Variants in ABCA3 observed in about 807,000 individuals in gnomAD.
ABCA3 encodes the protein ATP binding cassette subfamily A member 3.
A neutral mutation model predicts 172.8 loss-of-function variants in ABCA3; 88 were observed. The ratio of observed to expected loss-of-function variants is 0.51; its 90% CI spans 0.43 to 0.61. ABCA3 has a LOEUF of 0.61. Among genes scored for constraint, ABCA3 ranks in the 20% least tolerant of loss-of-function variants. ABCA3 has a pLI of 0.00. For missense variants in ABCA3, 2,164 were observed against 2,301.0 expected (o/e 0.94, Z 1.22); for synonymous variants, 1,066 against 983.8 (o/e 1.08, Z -1.56).
intron 18 of ABCA3, among the ~76,000 whole-genome samples, chr16:2,294,531 T>TA (rs45490194): frequency 7.8e-4 from 117 of 150,950 alleles, no homozygotes; most frequent in Non-Finnish European, 1.3e-3. Flanking sequence ...ACAAAAAAAA[T>TA]AAAAAAACTA....
rs2093670172 is a variant in ABCA3, at chr16:2,290,359, T to C, written c.2514-739A>G. Among the ~76,000 whole-genome samples the C allele has an allele frequency of 3.3e-5, 5 of 152,326 alleles. No homozygotes were observed. The South Asian group carries it at 1.0e-3, about 32-fold the overall frequency. On this transcript the variant is annotated intron_variant, in intron 19 of 32. Coordinates refer to ENST00000301732, the MANE Select transcript of ABCA3 (RefSeq NM_001089.3). ...AGCCTGGCTAGCTCTCCCCAGGTCC[T>C]AGACAAACCAGGAAAAGCTTCTGAT...
intron 12 of ABCA3, among the ~76,000 whole-genome samples, chr16:2,300,973 G>A (rs1266402573): frequency 6.6e-6 from 1 of 152,138 alleles, no homozygotes; most frequent in Non-Finnish European, 1.5e-5. Context: ...GCTCGAGCCT[G>A]TAATCCCAGC....
chr16:2,308,734 G>T, intron 10 of ABCA3, 111 bp from the exon 11 acceptor site: 1 of 1,254,420 alleles, frequency 8.0e-7, no homozygotes, highest in Non-Finnish European at 1.1e-6. Context: ...CACCCAACCT[G>T]CTCCTGGCAC....
chr16:2,298,625 T>C (rs190189759), intron 14 of ABCA3, 85 bp from the exon 15 acceptor site: 6 of 1,536,754 alleles, frequency 3.9e-6, no homozygotes, highest in Non-Finnish European at 5.3e-6. Context: ...CCCCTCTCTG[T>C]CTCCCCTAAT....
chr16:2,300,987 T>G (rs1346820728), intron 12 of ABCA3, among the ~76,000 whole-genome samples: 1 of 152,012 alleles, frequency 6.6e-6, no homozygotes, highest in Admixed American at 6.6e-5. Flanking sequence ...TCCCAGCACT[T>G]TGGGAGGCCG....
intron 20 of ABCA3, chr16:2,289,126 G>A (rs2093667815): frequency 4.8e-6 from 2 of 415,484 alleles, no homozygotes; most frequent in African/African-American, 2.0e-5. Context: ...TGAACCGAGT[G>A]CATCAACCAA....
intron 11 of ABCA3, among the ~76,000 whole-genome samples, chr16:2,304,998 A>T (rs984751499): frequency 7.9e-5 from 12 of 151,822 alleles, no homozygotes; most frequent in African/African-American, 2.9e-4. Flanking sequence ...ATTTTAGTAG[A>T]GATGGGGTTT....
intron 11 of ABCA3, among the ~76,000 whole-genome samples, chr16:2,305,116 A>G (rs1292054961): frequency 2.0e-5 from 3 of 150,998 alleles, no homozygotes; most frequent in African/African-American, 7.3e-5. Flanking sequence ...CCCGGCCAGT[A>G]TAAGTCTTTA....
Position 2,278,878 on chromosome 16 carries a change from C to T in ABCA3, c.4547+65G>A. The T allele has an allele frequency of 3.7e-6, 6 of 1,607,126 alleles. No homozygotes were observed. Among genetic ancestry groups the T allele is most frequent in the Non-Finnish European group, 5.1e-6 (6 of 1,176,818 alleles). On this transcript the variant is annotated intron_variant, in intron 29 of 32. Coordinates refer to ENST00000301732, the MANE Select transcript of ABCA3 (RefSeq NM_001089.3). This position sits in a 1 kb window ranked among gnomAD's most constrained non-coding sequence, Gnocchi z 4.4. Reference sequence around the variant, plus strand: ...TGCTGACCTGAGCGGTCACTCCCAGCTCTATGCTATGGGGACCTTGATTCT... The same window carrying T: ...TGCTGACCTGAGCGGTCACTCCCAGTTCTATGCTATGGGGACCTTGATTCT...
At chr16:2,300,811 C>T (rs1596845882) in intron 12 of ABCA3, among the ~76,000 whole-genome samples, 1 of 152,156 alleles carries the variant, frequency 6.6e-6, no homozygotes, top group African/African-American at 2.4e-5. Flanking sequence ...AGCTGCGGGG[C>T]GGGGACTCGT....
intron 10 of ABCA3, among the ~76,000 whole-genome samples, chr16:2,314,332 G>A (rs1368573717): frequency 6.6e-6 from 1 of 152,094 alleles, no homozygotes; most frequent in African/African-American, 2.4e-5. Flanking sequence ...ATGAACCTTG[G>A]GGATGCTATG....
At chr16:2,309,444 G>A (rs2093703105) in intron 10 of ABCA3, among the ~76,000 whole-genome samples, 1 of 152,214 alleles carries the variant, frequency 6.6e-6, no homozygotes, top group Non-Finnish European at 1.5e-5. Flanking sequence ...GGAGACACAT[G>A]CTGGATGCAG....
Position 2,277,901 on chromosome 16 carries a change from G to T in ABCA3, c.4887C>A (p.Ala1629=). ...CACCTGGAAAGGTCAGGTCCACGAA[G>T]GCCTTGAACTCCTCCAGCGCCTCCT... The part of the protein sequence containing the change: ...GQQEALEEFK[A]FVDLTFPGSV... The change falls in exon 31 of 33, where the codon GCC becomes GCA. Residue 1629 remains alanine, a synonymous_variant. Transcript: ENST00000301732. The surrounding 1 kb of genome is among the most constrained non-coding windows in gnomAD (Gnocchi z 5.3). 6.2e-7 allele frequency: 1 copy of T among 1,610,074 alleles called. No homozygotes were observed. Among genetic ancestry groups the T allele is most frequent in the Non-Finnish European group, 8.5e-7 (1 of 1,179,988 alleles).
rs984450128 is a variant in ABCA3 at position 2,281,538 on chromosome 16, G to A, written c.4036-29C>T. 13 of 1,563,510 alleles carry A rather than the reference G, an allele frequency of 8.3e-6. 1 individual carries two copies. The Admixed American group carries it at 1.0e-4, about 12-fold the overall frequency. ...ATTGACCAGGACAAAGACCGCATGC[G>A]TGAACCCAGCCGCAGGGCGGCTTCC... On this transcript the variant is annotated intron_variant, in intron 26 of 32. Coordinates refer to ENST00000301732, the MANE Select transcript of ABCA3 (RefSeq NM_001089.3). The surrounding 1 kb of genome is among the most constrained non-coding windows in gnomAD (Gnocchi z 4.7).
intron 10 of ABCA3, among the ~76,000 whole-genome samples, chr16:2,316,222 A>G (rs1208313588): frequency 6.8e-6 from 1 of 146,100 alleles, no homozygotes; most frequent in Non-Finnish European, 1.5e-5. Flanking sequence ...GCTGGAAGAT[A>G]GCTTTGAGCC....
At chr16:2,318,124 G>C (rs2093719494) in intron 8 of ABCA3, among the ~76,000 whole-genome samples, 1 of 152,238 alleles carries the variant, frequency 6.6e-6, no homozygotes, top group Admixed American at 6.5e-5. Flanking sequence ...TGGGCCGAAA[G>C]ACCCTGCCAG....
Position 2,288,055 on chromosome 16 carries a change from G to A in ABCA3, c.2975C>T (p.Ala992Val), listed in dbSNP as rs767140083. The A allele has an allele frequency of 6.2e-7, 1 of 1,611,274 alleles. No homozygotes were observed. Among genetic ancestry groups the A allele is most frequent in the South Asian group, 1.1e-5 (1 of 91,074 alleles). Residue 992 changes from alanine (A) to valine (V), a missense_variant, in exon 21 of 33, where the codon GCT becomes GTT. Transcript: ENST00000301732. ...CACCTCGCGGGGCTCCTGTCCCTCAGCCTGCAGTGCGTCTTTCAGATGCTC... is the reference window on the plus strand; with the variant it reads ...CACCTCGCGGGGCTCCTGTCCCTCAACCTGCAGTGCGTCTTTCAGATGCTC... The part of the protein sequence containing the change: ...LSEHLKDALQ[A>V]EGQEPREVLG...
chr16:2,276,327 T>C lies in ABCA3; in HGVS notation c.*347A>G, dbSNP rs2093646289. ...AACTTGGACAAGTCACTGGGTCCTC[T>C]CTCCAGGGAGTGCCTGGAGAAATTC... On this transcript the variant is annotated 3_prime_UTR_variant, in exon 33 of 33. Transcript: ENST00000301732. 2.1e-6 allele frequency: 1 copy of C among 482,322 alleles called. No homozygotes were observed. Among genetic ancestry groups the C allele is most frequent in the Admixed American group, 2.3e-5 (1 of 43,216 alleles). The allele number at this position is 482,322 out of a possible 1,614,324, so 29.9% of individuals were successfully genotyped here. A position where few individuals can be genotyped will look rare whatever the true frequency, so the allele number is the denominator to read the frequency against.
intron 8 of ABCA3, among the ~76,000 whole-genome samples, chr16:2,318,848 C>T (rs2093720892): frequency 6.6e-6 from 1 of 152,124 alleles, no homozygotes; most frequent in Non-Finnish European, 1.5e-5. Context: ...ACCTACAGAA[C>T]AGCGGGAAGA....
Sources: allele counts gnomAD v4.1 joint callset (sites outside exome capture counted in the v4.1 genomes callset), GRCh38; gene constraint gnomAD v4.1.1; non-coding constraint Gnocchi (gnomAD v3.1); transcripts MANE v1.5; gene names NCBI Gene and HGNC (gene_info 2026-07-23, HGNC 2026-07-21).